The following SHC2 variants were observed in gnomAD, a reference collection of about 807,000 sequenced individuals.
SHC2 encodes SHC adaptor protein 2.
Under a neutral mutation model 60.6 loss-of-function variants are expected in SHC2, and 62 were observed. The ratio of observed to expected loss-of-function variants is 1.02; its 90% CI spans 0.83 to 1.26. SHC2 has a LOEUF of 1.26. SHC2 is among the 50% of genes most tolerant of loss of function. The pLI is 0.00. For synonymous variants in SHC2, 375 were observed against 372.4 expected (o/e 1.01, Z -0.08); for missense variants, 873 against 822.2 (o/e 1.06, Z -0.76).
intron 1 of SHC2, among the ~76,000 whole-genome samples, chr19:450,176 A>C (rs2073466202): frequency 1.3e-5 from 2 of 151,708 alleles, no homozygotes; most frequent in South Asian, 4.2e-4. Flanking sequence ...GCGCTACAGG[A>C]GGGGGGGGAC....
At chr19:434,129 C>T (rs1350507965) in intron 8 of SHC2, among the ~76,000 whole-genome samples, 1 of 110,726 alleles carries the variant, frequency 9.0e-6, no homozygotes, top group African/African-American at 3.7e-5. Flanking sequence ...TTAGAGGAGG[C>T]CGGGCAGATG....
At chr19:423,899 C>T (rs1204156380) in intron 10 of SHC2, among the ~76,000 whole-genome samples, 1 of 152,204 alleles carries the variant, frequency 6.6e-6, no homozygotes. Flanking sequence ...CAGAGGGAAG[C>T]TCAGAGCCCC....
rs1367745802 is a variant in SHC2, at chr19:453,860, C to T, written c.468+6669G>A. On this transcript the variant is annotated intron_variant, in intron 1 of 12. Transcript: ENST00000264554. This position sits in a 1 kb window ranked among gnomAD's most constrained non-coding sequence, Gnocchi z 6.3. Reference sequence around the variant, plus strand: ...CAGGAAACTCTCCCTGAAGTGCTCACGAGGTGAGGTGCGTGAGGGCACCGC... The same window carrying T: ...CAGGAAACTCTCCCTGAAGTGCTCATGAGGTGAGGTGCGTGAGGGCACCGC... Among the ~76,000 whole-genome samples, 1 of 152,182 alleles carries T rather than the reference C, an allele frequency of 6.6e-6. No individual in the cohort carries two copies. The highest frequency in any genetic ancestry group is 1.5e-5 in the Non-Finnish European group (1 of 68,034).
chr19:440,770 T>C lies in SHC2; in HGVS notation c.539+92A>G. 3 of 1,117,890 alleles carry C rather than the reference T, an allele frequency of 2.7e-6. No individual in the cohort carries two copies. The highest frequency in any genetic ancestry group is 4.1e-6 in the Non-Finnish European group (3 of 737,966). 69.2% of individuals were successfully genotyped at this position (1,117,890 alleles called of 1,614,324 possible). ...CTGCGTCCTGGGACCCCAGCGCGGC[T>C]GTCGGAGAGCCCATCGCTGCCGCCC... On this transcript the variant is annotated intron_variant, in intron 2 of 12. Transcript: ENST00000264554. The surrounding 1 kb of genome is among the most constrained non-coding windows in gnomAD (Gnocchi z 7.0).
At chr19:435,423 T>TGCTGAGCAACGTGCATCAAGCAC in intron 7 of SHC2, among the ~76,000 whole-genome samples, 1 of 152,316 alleles carries the variant, frequency 6.6e-6, no homozygotes, top group East Asian at 1.9e-4. Flanking sequence ...CTTCGGAGCG[T>TGCTGAGCAACGTGCATCAAGCAC]GCTGAGCAAC....
rs979368302 is a variant in SHC2, at chr19:425,577, G to A, written c.1175-346C>T. Among the ~76,000 whole-genome samples the A allele has an allele frequency of 2.6e-5, 4 of 152,202 alleles. No individual in the cohort carries two copies. The highest frequency in any genetic ancestry group is 4.8e-5 in the African/African-American group (2 of 41,452). Reference sequence around the variant, plus strand: ...CCCAGGGTCCAGAGCTTCCCAGTGCGTGTATGTTCAGTCTCCACATTTAAA... The same window carrying A: ...CCCAGGGTCCAGAGCTTCCCAGTGCATGTATGTTCAGTCTCCACATTTAAA... On this transcript the variant is annotated intron_variant, in intron 9 of 12. Transcript: ENST00000264554. This position sits in a 1 kb window ranked among gnomAD's most constrained non-coding sequence, Gnocchi z 4.1.
rs1282892582 is a variant in SHC2, at chr19:451,734, A to T, written c.468+8795T>A. 2.0e-5 allele frequency among the ~76,000 whole-genome samples: 3 copies of T among 152,130 alleles called. No homozygotes were observed. The East Asian group carries it at 5.8e-4, about 29-fold the overall frequency. Reference sequence around the variant, plus strand: ...TGCCTCAGCCTCCCGAGTAGCTGGGATTACAGTTGCCCGCCATCACACCCA... The same window carrying T: ...TGCCTCAGCCTCCCGAGTAGCTGGGTTTACAGTTGCCCGCCATCACACCCA... On this transcript the variant is annotated intron_variant, in intron 1 of 12. Transcript: ENST00000264554.
Position 453,898 on chromosome 19 carries a change from G to A in SHC2, c.468+6631C>T, listed in dbSNP as rs7256741. On this transcript the variant is annotated intron_variant, in intron 1 of 12. Transcript: ENST00000264554. This position sits in a 1 kb window ranked among gnomAD's most constrained non-coding sequence, Gnocchi z 6.3. ...GTGAGGGCACCGCAGAGAGCAGGACGGCCTGACTCACGGGACTTCTGTGTA... is the reference window on the plus strand; with the variant it reads ...GTGAGGGCACCGCAGAGAGCAGGACAGCCTGACTCACGGGACTTCTGTGTA... Among the ~76,000 whole-genome samples, 4,935 of 152,260 alleles carry A rather than the reference G, an allele frequency of 0.032. 266 individuals carry two copies. Among genetic ancestry groups the A allele is most frequent in the African/African-American group, 0.11 (4,631 of 41,536 alleles).
chr19:442,586 G>A (rs1187468119), intron 1 of SHC2, among the ~76,000 whole-genome samples: 5 of 53,580 alleles, frequency 9.3e-5, no homozygotes, highest in Admixed American at 3.2e-4. Flanking sequence ...TGGATGGATG[G>A]GTGGGTGGAT....
intron 8 of SHC2, among the ~76,000 whole-genome samples, chr19:431,415 T>A (rs2145710655): frequency 2.1e-5 from 2 of 96,706 alleles, no homozygotes; most frequent in East Asian, 2.6e-4. Flanking sequence ...AGATCGTGAG[T>A]GAGAGTTAGA....
intron 11 of SHC2, among the ~76,000 whole-genome samples, chr19:421,221 A>C (rs1974261159): frequency 6.6e-6 from 1 of 150,494 alleles, no homozygotes; most frequent in African/African-American, 2.4e-5. Context: ...ATATAGTGAA[A>C]CCCCATCTCC....
Position 422,158 on chromosome 19 carries a change from G to A in SHC2, c.1608C>T (p.Asp536=), listed in dbSNP as rs1160926812. ...GTGCACAGCTTACCACGCCCTCGGG[G>A]TCCACGAGCAGCAGGTGCTTGGGCT... The part of the protein sequence containing the change: ...AGQPKHLLLV[D]PEGVVRTKDV... Residue 536 remains aspartate, a synonymous_variant, in exon 11 of 13, where the codon GAC becomes GAT. Transcript: ENST00000264554. This position sits in a 1 kb window ranked among gnomAD's most constrained non-coding sequence, Gnocchi z 5.0. The A allele has an allele frequency of 1.2e-6, 2 of 1,609,640 alleles. No homozygotes were observed. The highest frequency in any genetic ancestry group is 1.3e-5 in the African/African-American group (1 of 74,922).
chr19:443,408 G>A (rs191166847), intron 1 of SHC2, among the ~76,000 whole-genome samples: 17 of 148,278 alleles, frequency 1.1e-4, no homozygotes, highest in Admixed American at 2.7e-4. Context: ...ATGGATGGAC[G>A]GGTGAGTGGA....
intron 9 of SHC2, among the ~76,000 whole-genome samples, chr19:428,902 A>G (rs188769228): frequency 1.3e-5 from 2 of 151,664 alleles, no homozygotes; most frequent in East Asian, 3.9e-4. Flanking sequence ...CGCAGTACCT[A>G]TATCCCAACA....
intron 4 of SHC2, among the ~76,000 whole-genome samples, chr19:437,031 GCA>G (rs150186783): frequency 1.1e-3 from 170 of 150,622 alleles, no homozygotes; most frequent in African/African-American, 3.9e-3. Flanking sequence ...CCACACACAT[GCA>G]CACACACACA....
At chr19:452,577 G>A (rs34976348) in intron 1 of SHC2, among the ~76,000 whole-genome samples, 10 of 148,522 alleles carry the variant, frequency 6.7e-5, no homozygotes, top group African/African-American at 1.5e-4. Flanking sequence ...GAATTCCTGC[G>A]TAGGTGTGCG....
chr19:438,197 G>A lies in SHC2; in HGVS notation c.720+521C>T, dbSNP rs967624079. ...CAGCCATGTTGGCCAGGCTGGTCTC[G>A]AACTCCTGACCTCAAGTGATCTGCC... On this transcript the variant is annotated intron_variant, in intron 4 of 12. Transcript: ENST00000264554. This position sits in a 1 kb window ranked among gnomAD's most constrained non-coding sequence, Gnocchi z 5.0. Among the ~76,000 whole-genome samples the A allele has an allele frequency of 1.3e-5, 2 of 152,004 alleles. No homozygotes were observed. Among genetic ancestry groups the A allele is most frequent in the African/African-American group, 2.4e-5 (1 of 41,388 alleles).
At position 438,887 on chromosome 19, in the gene SHC2, G is replaced by A. The variant is rs754018497; in HGVS notation, c.601-50C>T. 37 of 1,552,512 alleles carry A rather than the reference G, an allele frequency of 2.4e-5. No individual in the cohort carries two copies. The highest frequency in any genetic ancestry group is 1.3e-4 in the South Asian group (11 of 84,432). On this transcript the variant is annotated intron_variant, in intron 3 of 12. Transcript: ENST00000264554. The surrounding 1 kb of genome is among the most constrained non-coding windows in gnomAD (Gnocchi z 5.0). ...AGGGCGGCTGTGGGTGGGGGCTGTC[G>A]AGGGGCTCCCAGGATGGCCGCAGCG...
chr19:436,539 T>C, intron 5 of SHC2, 91 bp downstream of exon 5: 2 of 1,581,212 alleles, frequency 1.3e-6, no homozygotes. Context: ...GGGCACAGGG[T>C]ACGTTAGGCG....
Sources: allele counts gnomAD v4.1 joint callset (sites outside exome capture counted in the v4.1 genomes callset), GRCh38; gene constraint gnomAD v4.1.1; non-coding constraint Gnocchi (gnomAD v3.1); transcripts MANE v1.5; gene names NCBI Gene and HGNC (gene_info 2026-07-23, HGNC 2026-07-21).